Variants in PPP6R3 observed in about 807,000 individuals in gnomAD.
PPP6R3 encodes serine/threonine-protein phosphatase 6 regulatory subunit 3.
In PPP6R3, 38 loss-of-function variants were observed where a neutral mutation model predicts 110.7. The ratio of observed to expected loss-of-function variants is 0.34; its 90% CI spans 0.26 to 0.45. The LOEUF is 0.45. Among genes scored for constraint, PPP6R3 ranks in the 20% least tolerant of loss-of-function variants. The probability of loss-of-function intolerance (pLI) is 1.00; values close to 1 mark genes in which losing one functional copy is unlikely to be tolerated. For missense variants in PPP6R3, 870 were observed against 1,062.4 expected (o/e 0.82, Z 2.52); for synonymous variants, 369 against 373.5 (o/e 0.99, Z 0.14).
Position 68,596,207 on chromosome 11 carries a change from A to C in PPP6R3, c.2027A>C (p.Asp676Ala). Residue 676 changes from aspartate to alanine, a missense_variant, in exon 19 of 24, where the codon GAC becomes GCC. Physicochemically the swap from Asp to Ala is moderately radical, Grantham distance 126. Coordinates refer to ENST00000393800, the MANE Select transcript of PPP6R3 (RefSeq NM_001164161.2). ...SANTEDKMEV[D>A]LSEPPNWSAN... ...AACACGGAGGATAAAATGGAGGTGG[A>C]CCTGAGTGAACGTAAGTGGATTCAT... The C allele has an allele frequency of 6.2e-7, 1 of 1,614,212 alleles. No homozygotes were observed. Among genetic ancestry groups the C allele is most frequent in the Non-Finnish European group, 8.5e-7 (1 of 1,180,034 alleles).
intron 1 of PPP6R3, among the ~76,000 whole-genome samples, chr11:68,475,066 T>A (rs1289066564): frequency 6.6e-6 from 1 of 152,208 alleles, no homozygotes; most frequent in South Asian, 2.1e-4. Flanking sequence ...CCTGCGGCCC[T>A]CTGCAGTGTT....
At chr11:68,555,465 A>G (rs1352695103) in intron 7 of PPP6R3, among the ~76,000 whole-genome samples, 2 of 152,234 alleles carry the variant, frequency 1.3e-5, no homozygotes, top group Admixed American at 1.3e-4. Flanking sequence ...TGTATTTTAC[A>G]CTTAGAACAT....
intron 18 of PPP6R3, among the ~76,000 whole-genome samples, chr11:68,595,388 G>T (rs1463994345): frequency 1.3e-5 from 2 of 151,670 alleles, no homozygotes; most frequent in Non-Finnish European, 2.9e-5. Flanking sequence ...GCTAATTTTT[G>T]TATTTTTAGT....
chr11:68,558,394 T>A (rs2099407312), intron 7 of PPP6R3, 172 bp from the exon 8 acceptor site: 4 of 452,906 alleles, frequency 8.8e-6, no homozygotes, highest in Non-Finnish European at 1.6e-5. Context: ...GTGTGTAATT[T>A]ATAAATAGGA....
Position 68,564,453 on chromosome 11 carries a change from A to G in PPP6R3, c.975+21A>G, listed in dbSNP as rs372613944. 45 of 1,612,762 alleles carry G rather than the reference A, an allele frequency of 2.8e-5. No homozygotes were observed. The Middle Eastern group carries it at 1.3e-3, about 47-fold the overall frequency. ...CCAAGGTAGGGGAGCTATGTTAAGCATGGCTGCCCAGCGAGTAATTTGGTT... is the reference window on the plus strand; with the variant it reads ...CCAAGGTAGGGGAGCTATGTTAAGCGTGGCTGCCCAGCGAGTAATTTGGTT... On this transcript the variant is annotated intron_variant, in intron 9 of 23. Transcript: ENST00000393800.
intron 1 of PPP6R3, among the ~76,000 whole-genome samples, chr11:68,463,102 A>C (rs1270626996): frequency 2.6e-5 from 4 of 152,134 alleles, no homozygotes; most frequent in Non-Finnish European, 4.4e-5. Context: ...GGCCGGGCGC[A>C]GTGGCTCACG....
chr11:68,498,000 G>A (rs2099027851), intron 1 of PPP6R3, among the ~76,000 whole-genome samples: 1 of 152,078 alleles, frequency 6.6e-6, no homozygotes, highest in South Asian at 2.1e-4. Context: ...TGGATAGTTT[G>A]TTCTGTGGTT....
intron 1 of PPP6R3, among the ~76,000 whole-genome samples, chr11:68,482,980 C>T (rs73516865): frequency 2.6e-5 from 4 of 152,098 alleles, no homozygotes; most frequent in Non-Finnish European, 5.9e-5. Context: ...ACTTTATAGC[C>T]ATTTCCCATA....
chr11:68,543,403 G>GTT (rs58332211), intron 3 of PPP6R3, among the ~76,000 whole-genome samples: 2,156 of 146,690 alleles, frequency 0.015, 25 homozygotes, highest in Non-Finnish European at 0.021. Flanking sequence ...TGCCAGGTCT[G>GTT]TTTTTTTTTT....
chr11:68,526,548 C>T (rs542142338), intron 2 of PPP6R3, among the ~76,000 whole-genome samples: 7 of 152,278 alleles, frequency 4.6e-5, no homozygotes, highest in Admixed American at 1.3e-4. Flanking sequence ...GCCTGGCTAA[C>T]GTTGGCTTTT....
intron 1 of PPP6R3, among the ~76,000 whole-genome samples, chr11:68,484,808 A>G (rs1352062353): frequency 6.6e-6 from 1 of 152,088 alleles, no homozygotes; most frequent in East Asian, 1.9e-4. Context: ...GCTGGTCCCA[A>G]ACTCCTGACC....
intron 1 of PPP6R3, among the ~76,000 whole-genome samples, chr11:68,498,042 G>A (rs752907552): frequency 2.0e-4 from 30 of 152,076 alleles, no homozygotes; most frequent in Non-Finnish European, 7.4e-5. Context: ...TCTATATTTA[G>A]ACATTTCTTT....
Position 68,596,648 on chromosome 11 carries a change from C to T in PPP6R3, c.2038+430C>T, listed in dbSNP as rs546917318. On this transcript the variant is annotated intron_variant, in intron 19 of 23. Transcript: ENST00000393800. Reference sequence around the variant, plus strand: ...TTAACAAGCATTTCAGTGCGTTCTTCGTAGTTGATTTCAGAAGCTCACAGC... The same window carrying T: ...TTAACAAGCATTTCAGTGCGTTCTTTGTAGTTGATTTCAGAAGCTCACAGC... Among the ~76,000 whole-genome samples the T allele has an allele frequency of 7.2e-5, 11 of 152,338 alleles. No individual in the cohort carries two copies. The South Asian group carries it at 1.4e-3, about 20-fold the overall frequency.
intron 21 of PPP6R3, 73 bp from the exon 22 acceptor site, chr11:68,603,269 G>C: frequency 6.3e-7 from 1 of 1,581,354 alleles, no homozygotes; most frequent in Non-Finnish European, 8.6e-7. Context: ...TGGGTAGATG[G>C]GTTTGTACAG....
intron 9 of PPP6R3, among the ~76,000 whole-genome samples, chr11:68,565,795 C>T (rs1448384630): frequency 6.7e-6 from 1 of 149,058 alleles, no homozygotes; most frequent in African/African-American, 2.5e-5. Flanking sequence ...CTCGGAGTAC[C>T]GTTTGCACCT....
chr11:68,556,137 A>G (rs745522078), intron 7 of PPP6R3, among the ~76,000 whole-genome samples: 2 of 152,240 alleles, frequency 1.3e-5, no homozygotes, highest in Non-Finnish European at 2.9e-5. Context: ...ATGTACACAT[A>G]GCTTGCCGAG....
chr11:68,491,871 A>T (rs1315469949), intron 1 of PPP6R3, among the ~76,000 whole-genome samples: 1 of 148,120 alleles, frequency 6.8e-6, no homozygotes, highest in Non-Finnish European at 1.5e-5. Flanking sequence ...TGATGAGCTT[A>T]AAAAAAAAAC....
At chr11:68,496,485 T>G (rs936832735) in intron 1 of PPP6R3, among the ~76,000 whole-genome samples, 3 of 151,990 alleles carry the variant, frequency 2.0e-5, no homozygotes, top group African/African-American at 2.4e-5. Flanking sequence ...TCATTTGGTT[T>G]TTTTTTGGAG....
intron 1 of PPP6R3, among the ~76,000 whole-genome samples, chr11:68,486,091 C>T (rs1175188743): frequency 6.6e-6 from 1 of 150,994 alleles, no homozygotes; most frequent in Non-Finnish European, 1.5e-5. Flanking sequence ...TTAAAGCAGC[C>T]TTAAATACGG....
Sources: gnomAD v4.1 joint callset for allele counts (sites outside exome capture counted in the v4.1 genomes callset) on GRCh38, gnomAD v4.1.1 for gene constraint, MANE v1.5 for transcripts, NCBI Gene and HGNC (gene_info 2026-07-23, HGNC 2026-07-21) for gene names.